DOK5: variants seen among roughly 807,000 people sequenced by gnomAD.
DOK5 encodes downstream of tyrosine kinase 5.
In DOK5, 27 loss-of-function variants were observed where a neutral mutation model predicts 43.3. The observed-to-expected ratio is 0.62, with a 90% confidence interval of 0.46 to 0.86. DOK5 has a LOEUF of 0.86. Among genes scored for constraint, DOK5 ranks in the 40% least tolerant of loss-of-function variants. DOK5 has a pLI of 0.00. For missense variants in DOK5, 373 were observed against 392.9 expected (o/e 0.95, Z 0.43); for synonymous variants, 146 against 140.1 (o/e 1.04, Z -0.30).
At chr20:54,590,523 G>A (rs1985946396) in intron 4 of DOK5, among the ~76,000 whole-genome samples, 1 of 151,818 alleles carries the variant, frequency 6.6e-6, no homozygotes. Context: ...CAAGGGGGGG[G>A]AATATGCTCA....
intron 1 of DOK5, among the ~76,000 whole-genome samples, chr20:54,488,629 A>G (rs1035537845): frequency 6.6e-5 from 10 of 152,214 alleles, no homozygotes; most frequent in African/African-American, 2.4e-4. Flanking sequence ...TCTAAGAGAC[A>G]TAAGTTTTAT....
At position 54,630,120 on chromosome 20, in the gene DOK5, G is replaced by T. The variant is rs181380805; in HGVS notation, c.736-13338G>T. ...AAGCTGTTTGGAAACGACTGGGGGT[G>T]CCCAGAGCAAGGGTACGAGCAAGAA... On this transcript the variant is annotated intron_variant, in intron 6 of 7. Transcript: ENST00000262593. Among the ~76,000 whole-genome samples the T allele has an allele frequency of 3.4e-3, 520 of 152,296 alleles. 3 individuals are homozygous for T. The highest frequency in any genetic ancestry group is 0.012 in the African/African-American group (487 of 41,562).
intron 1 of DOK5, among the ~76,000 whole-genome samples, chr20:54,498,396 T>A (rs1982477794): frequency 6.6e-6 from 1 of 152,194 alleles, no homozygotes; most frequent in Non-Finnish European, 1.5e-5. Flanking sequence ...TATCCTACTA[T>A]GTTTACCAAG....
At chr20:54,515,923 A>G (rs1455190736) in intron 1 of DOK5, among the ~76,000 whole-genome samples, 1 of 152,224 alleles carries the variant, frequency 6.6e-6, no homozygotes, top group Admixed American at 6.5e-5. Context: ...GTGATGCTGC[A>G]GTAATTGGGG....
chr20:54,552,201 G>T (rs1238017732), intron 1 of DOK5, among the ~76,000 whole-genome samples: 1 of 151,958 alleles, frequency 6.6e-6, no homozygotes, highest in Admixed American at 6.6e-5. Flanking sequence ...ACGATCCAGA[G>T]AAAACGTTGT....
At chr20:54,628,408 C>CAAAAAAAA (rs56730310) in intron 6 of DOK5, among the ~76,000 whole-genome samples, 3 of 23,452 alleles carry the variant, frequency 1.3e-4, no homozygotes, top group Non-Finnish European at 1.6e-4. Flanking sequence ...GACTCCGTCT[C>CAAAAAAAA]AAAAAAAAAA....
intron 1 of DOK5, among the ~76,000 whole-genome samples, chr20:54,504,104 C>T (rs367994393): frequency 1.3e-5 from 2 of 152,062 alleles, no homozygotes; most frequent in African/African-American, 2.4e-5. Context: ...GAGCTTCCAG[C>T]GGGGAAGCTC....
chr20:54,600,810 C>T (rs565077729), intron 5 of DOK5, among the ~76,000 whole-genome samples: 1 of 152,194 alleles, frequency 6.6e-6, no homozygotes, highest in Non-Finnish European at 1.5e-5. Context: ...GTTTTCCAGG[C>T]AGGCAAACAT....
intron 2 of DOK5, among the ~76,000 whole-genome samples, chr20:54,563,664 G>GTTTTT (rs76886127): frequency 7.0e-5 from 8 of 114,346 alleles, no homozygotes; most frequent in East Asian, 5.2e-4. Context: ...TATTTGTCAG[G>GTTTTT]TTTTTTTTTT....
intron 2 of DOK5, among the ~76,000 whole-genome samples, chr20:54,570,817 C>G (rs1268044410): frequency 6.6e-6 from 1 of 152,178 alleles, no homozygotes; most frequent in Non-Finnish European, 1.5e-5. Context: ...GAAATTTCAA[C>G]AGTTTCCCGT....
At chr20:54,548,399 T>C in intron 1 of DOK5, among the ~76,000 whole-genome samples, 1 of 151,646 alleles carries the variant, frequency 6.6e-6, no homozygotes, top group East Asian at 1.9e-4. Flanking sequence ...CCACACCTAA[T>C]TTTTGTATTT....
intron 1 of DOK5, among the ~76,000 whole-genome samples, chr20:54,491,608 C>T (rs1258611390): frequency 6.6e-6 from 1 of 152,174 alleles, no homozygotes; most frequent in African/African-American, 2.4e-5. Flanking sequence ...TCGGCTTCCG[C>T]TGCGGAAGAT....
intron 1 of DOK5, among the ~76,000 whole-genome samples, chr20:54,480,807 A>T (rs6098011): frequency 0.12 from 17,552 of 151,964 alleles, 1,169 homozygotes; most frequent in African/African-American, 0.18. Context: ...TGCTTGGAAT[A>T]TGCTGTTTCC....
Position 54,478,135 on chromosome 20 carries a change from T to A in DOK5, c.66+2123T>A, listed in dbSNP as rs575881244. On this transcript the variant is annotated intron_variant, in intron 1 of 7. Coordinates refer to ENST00000262593, the MANE Select transcript of DOK5 (RefSeq NM_018431.5). The stretch of plus-strand genomic sequence containing the variant: ...TGGAGAGAAAAGGTCAAAAATATGA[T>A]CAAGTAAATCTGGTCTTATTTGTTA... Among the ~76,000 whole-genome samples the A allele has an allele frequency of 4.6e-5, 7 of 152,352 alleles. No individual in the cohort carries two copies. The South Asian group carries it at 1.2e-3, about 27-fold the overall frequency.
chr20:54,522,123 G>A (rs1053952066), intron 1 of DOK5, among the ~76,000 whole-genome samples: 3 of 152,144 alleles, frequency 2.0e-5, no homozygotes, highest in Non-Finnish European at 4.4e-5. Flanking sequence ...GACCAGGGGT[G>A]TCTGATCTTT....
At chr20:54,565,764 T>G (rs962764971) in intron 2 of DOK5, among the ~76,000 whole-genome samples, 3 of 152,204 alleles carry the variant, frequency 2.0e-5, no homozygotes, top group Non-Finnish European at 2.9e-5. Flanking sequence ...GGCTCAGGCC[T>G]GTAATCCCGG....
At chr20:54,484,466 G>A (rs1981847363) in intron 1 of DOK5, among the ~76,000 whole-genome samples, 1 of 152,070 alleles carries the variant, frequency 6.6e-6, no homozygotes, top group African/African-American at 2.4e-5. Flanking sequence ...GTAGTTGTAA[G>A]AAATAATATG....
At chr20:54,641,758 G>A (rs139045309) in intron 6 of DOK5, among the ~76,000 whole-genome samples, 12 of 152,202 alleles carry the variant, frequency 7.9e-5, no homozygotes, top group Admixed American at 3.9e-4. Flanking sequence ...TTCGTGGTAC[G>A]ACATATAAAT....
rs376779165 is a variant in DOK5 at position 54,475,904 on chromosome 20, G to A, written c.-43G>A. 1 of 1,608,438 alleles carries A rather than the reference G, an allele frequency of 6.2e-7. No homozygotes were observed. The highest frequency in any genetic ancestry group is 8.5e-7 in the Non-Finnish European group (1 of 1,178,396). ...CTCCACCCTCCCCAGAGCCACTTCGGGTGCGCGCTCTTGGGTAAAGGGGGG... is the reference window on the plus strand; with the variant it reads ...CTCCACCCTCCCCAGAGCCACTTCGAGTGCGCGCTCTTGGGTAAAGGGGGG... On this transcript the variant is annotated 5_prime_UTR_variant, in exon 1 of 8. Transcript: ENST00000262593. This position sits in a 1 kb window ranked among gnomAD's most constrained non-coding sequence, Gnocchi z 4.2.
Sources: allele counts gnomAD v4.1 joint callset (sites outside exome capture counted in the v4.1 genomes callset), GRCh38; gene constraint gnomAD v4.1.1; non-coding constraint Gnocchi (gnomAD v3.1); transcripts MANE v1.5; gene names NCBI Gene and HGNC (gene_info 2026-07-23, HGNC 2026-07-21).